The following GRM8 variants were observed in gnomAD, a reference collection of about 807,000 sequenced individuals.
GRM8 encodes the protein glutamate metabotropic receptor 8.
Under a neutral mutation model 87.2 loss-of-function variants are expected in GRM8, and 47 were observed. The observed-to-expected ratio is 0.54, with a 90% CI of 0.43 to 0.69. The LOEUF is 0.69. GRM8 is among the 30% of genes least tolerant of loss of function. The pLI is 0.00. For missense variants in GRM8, 1,019 were observed against 1,139.2 expected (o/e 0.89, Z 1.52); for synonymous variants, 396 against 404.5 (o/e 0.98, Z 0.25).
chr7:127,016,216 G>A (rs1815652817), intron 3 of GRM8, among the ~76,000 whole-genome samples: 1 of 151,998 alleles, frequency 6.6e-6, no homozygotes, highest in Non-Finnish European at 1.5e-5. Flanking sequence ...CAATAAAGAG[G>A]AATAGAATCG....
intron 3 of GRM8, among the ~76,000 whole-genome samples, chr7:127,066,202 A>G (rs527991052): frequency 3.7e-4 from 57 of 152,340 alleles, no homozygotes; most frequent in Admixed American, 3.1e-3. Flanking sequence ...CAATCCAACC[A>G]ATCACTCACT....
intron 6 of GRM8, among the ~76,000 whole-genome samples, chr7:126,786,870 C>A (rs559742827): frequency 2.0e-5 from 3 of 152,154 alleles, no homozygotes; most frequent in Non-Finnish European, 4.4e-5. Flanking sequence ...TCTGACAAAG[C>A]GTTTCTGAAC....
chr7:127,128,465 A>G (rs927807988), intron 2 of GRM8, among the ~76,000 whole-genome samples: 2 of 152,126 alleles, frequency 1.3e-5, no homozygotes, highest in African/African-American at 4.8e-5. Flanking sequence ...TCCACTAGGA[A>G]ACCTGCCCAC....
intron 7 of GRM8, among the ~76,000 whole-genome samples, chr7:126,674,845 A>C (rs1806775474): frequency 1.3e-5 from 2 of 152,186 alleles, no homozygotes; most frequent in Non-Finnish European, 2.9e-5. Context: ...AAAGAATCAG[A>C]ATTCTGGTCA....
chr7:127,176,739 A>G lies in GRM8; in HGVS notation c.510+65956T>C, dbSNP rs138386255. Among the ~76,000 whole-genome samples the G allele has an allele frequency of 3.1e-3, 475 of 152,300 alleles. 2 individuals carry two copies. The highest frequency in any genetic ancestry group is 8.5e-3 in the African/African-American group (354 of 41,570). ...CCCCCAGTACCAGTCCAGACCCTCA[A>G]TGGAGAAGCTGAAGGTCTGTTTGTG... is the stretch of plus-strand genomic sequence containing the variant. On this transcript the variant is annotated intron_variant, in intron 2 of 10. Coordinates refer to ENST00000339582, the MANE Select transcript of GRM8 (RefSeq NM_000845.3).
intron 7 of GRM8, among the ~76,000 whole-genome samples, chr7:126,763,836 A>C (rs1817890014): frequency 6.6e-6 from 1 of 152,002 alleles, no homozygotes; most frequent in Non-Finnish European, 1.5e-5. Context: ...ATACAGATTT[A>C]TTCAGAAAGA....
Position 126,957,084 on chromosome 7 carries a change from G to A in GRM8, c.728-52401C>T, listed in dbSNP as rs77317026. 5.5e-3 allele frequency among the ~76,000 whole-genome samples: 835 copies of A among 152,156 alleles called. 10 individuals carry two copies. The highest frequency in any genetic ancestry group is 0.019 in the African/African-American group (780 of 41,522). On this transcript the variant is annotated intron_variant, in intron 3 of 10. Coordinates refer to ENST00000339582, the MANE Select transcript of GRM8 (RefSeq NM_000845.3). The stretch of plus-strand genomic sequence containing the variant: ...ACAGCTGATTCTGGAGCCTAATAAA[G>A]TTAGACTACTACACTGGTACAGACA...
intron 2 of GRM8, among the ~76,000 whole-genome samples, chr7:127,157,225 A>G (rs1449441131): frequency 1.4e-5 from 2 of 144,468 alleles, no homozygotes. Context: ...GAGAAAGAAA[A>G]AGAAAGAAAA....
intron 9 of GRM8, among the ~76,000 whole-genome samples, chr7:126,531,472 T>A (rs1814806847): frequency 6.6e-6 from 1 of 152,238 alleles, no homozygotes; most frequent in Admixed American, 6.5e-5. Context: ...CATAAAATTA[T>A]GCATAACCCC....
chr7:126,871,623 T>C (rs1195966819), intron 6 of GRM8, among the ~76,000 whole-genome samples: 5 of 152,216 alleles, frequency 3.3e-5, no homozygotes, highest in Non-Finnish European at 7.3e-5. Flanking sequence ...GTTCTGTGCA[T>C]TTTATTTTAC....
chr7:127,104,147 G>C lies in GRM8; in HGVS notation c.727+2349C>G, dbSNP rs529304831. On this transcript the variant is annotated intron_variant, in intron 3 of 10. Transcript: ENST00000339582. ...CTTCTTAGCAATCGATGTTGCTAAA[G>C]AGAAATTCAGAACAAAGTACAGAAA... is the stretch of plus-strand genomic sequence containing the variant. 6.6e-5 allele frequency among the ~76,000 whole-genome samples: 10 copies of C among 152,250 alleles called. No homozygotes were observed. In the South Asian group the frequency reaches 1.9e-3, roughly 28 times the overall value.
intron 6 of GRM8, among the ~76,000 whole-genome samples, chr7:126,815,314 C>A (rs1177977680): frequency 2.6e-5 from 4 of 152,128 alleles, no homozygotes; most frequent in African/African-American, 9.7e-5. Context: ...ATGAGGCCAC[C>A]TTTGAAGCAT....
intron 8 of GRM8, among the ~76,000 whole-genome samples, chr7:126,608,101 C>A (rs1368544665): frequency 1.3e-5 from 2 of 151,832 alleles, no homozygotes; most frequent in Non-Finnish European, 1.5e-5. Flanking sequence ...TAATTCTTCA[C>A]CTGGTGGTAA....
chr7:126,718,761 T>G (rs1408021330), intron 7 of GRM8, among the ~76,000 whole-genome samples: 2 of 152,226 alleles, frequency 1.3e-5, no homozygotes, highest in Non-Finnish European at 2.9e-5. Context: ...ACTGCACTAT[T>G]ATATGTTCGT....
chr7:126,763,354 A>G (rs1817795132), intron 7 of GRM8, among the ~76,000 whole-genome samples: 1 of 150,104 alleles, frequency 6.7e-6, no homozygotes, highest in African/African-American at 2.4e-5. Context: ...TGGAAAAATC[A>G]TCTCAGTTGA....
chr7:127,046,447 A>C (rs749650126), intron 3 of GRM8, among the ~76,000 whole-genome samples: 32 of 152,360 alleles, frequency 2.1e-4, no homozygotes, highest in Non-Finnish European at 3.7e-4. Context: ...CTGGTACAGA[A>C]GACAGAGTTA....
Position 126,983,819 on chromosome 7 carries a change from GA to G in GRM8, c.728-79137del, listed in dbSNP as rs1043887349. The stretch of plus-strand genomic sequence containing the variant: ...ATAAAGGTTTGGGTCACTCCACCAG[GA>G]AAAAAACCCACGGCCTGCTAAGGTG... On this transcript the variant is annotated intron_variant, in intron 3 of 10. Transcript: ENST00000339582. 3.9e-5 allele frequency among the ~76,000 whole-genome samples: 6 copies of G among 152,050 alleles called. No individual in the cohort carries two copies. In the East Asian group the frequency reaches 1.2e-3, roughly 29 times the overall value.
intron 3 of GRM8, among the ~76,000 whole-genome samples, chr7:127,059,124 A>T (rs1820324354): frequency 6.6e-6 from 1 of 152,136 alleles, no homozygotes; most frequent in South Asian, 2.1e-4. Flanking sequence ...GGAAAGGATA[A>T]TCTAGGGTTG....
rs754581342 is a variant in GRM8 at position 127,128,570 on chromosome 7, G to A, written c.511-21858C>T. 5.7e-4 allele frequency among the ~76,000 whole-genome samples: 86 copies of A among 152,066 alleles called. 1 individual carries two copies. The highest frequency in any genetic ancestry group is 4.3e-4 in the Non-Finnish European group (29 of 68,002). On this transcript the variant is annotated intron_variant, in intron 2 of 10. Coordinates refer to ENST00000339582, the MANE Select transcript of GRM8 (RefSeq NM_000845.3). ...AGTAATTATTGTAATACTAATTATTGTAAACTTTCCAAGCACTTTTATGTA... is the reference window on the plus strand; with the variant it reads ...AGTAATTATTGTAATACTAATTATTATAAACTTTCCAAGCACTTTTATGTA...
Sources: gnomAD v4.1 joint callset for allele counts (sites outside exome capture counted in the v4.1 genomes callset) on GRCh38, gnomAD v4.1.1 for gene constraint, MANE v1.5 for transcripts, NCBI Gene and HGNC (gene_info 2026-07-23, HGNC 2026-07-21) for gene names.